The following SLCO4C1 variants were observed in gnomAD, a reference collection of about 807,000 sequenced individuals.
SLCO4C1 encodes solute carrier organic anion transporter family member 4C1.
Under a neutral mutation model 72.1 loss-of-function variants are expected in SLCO4C1, and 58 were observed. The ratio of observed to expected loss-of-function variants is 0.80; its 90% confidence interval spans 0.65 to 1.00. SLCO4C1 has a LOEUF of 1.00. Among genes scored for constraint, SLCO4C1 ranks in the 50% least tolerant of loss-of-function variants. SLCO4C1 has a pLI of 0.00. For synonymous variants in SLCO4C1, 297 were observed against 312.5 expected (o/e 0.95, Z 0.52); for missense variants, 898 against 857.9 (o/e 1.05, Z -0.58).
chr5:102,291,878 A>G (rs1376791500), intron 1 of SLCO4C1, among the ~76,000 whole-genome samples: 7 of 152,046 alleles, frequency 4.6e-5, no homozygotes, highest in Non-Finnish European at 5.9e-5. Flanking sequence ...CTGGACTGCA[A>G]TGGCGCGATC....
chr5:102,270,529 A>C (rs1749130407), intron 3 of SLCO4C1, 95 bp downstream of exon 3: 1 of 1,083,346 alleles, frequency 9.2e-7, no homozygotes. Context: ...TGGCATTACA[A>C]CTAACTTTTT....
At chr5:102,287,113 T>C (rs540384050) in intron 2 of SLCO4C1, among the ~76,000 whole-genome samples, 159 of 152,288 alleles carry the variant, frequency 1.0e-3, no homozygotes, top group Middle Eastern at 6.8e-3. Context: ...CTCTATGTTA[T>C]GTTAAGTTAC....
chr5:102,287,180 ATC>A (rs1749468598), intron 2 of SLCO4C1, among the ~76,000 whole-genome samples: 1 of 152,064 alleles, frequency 6.6e-6, no homozygotes, highest in South Asian at 2.1e-4. Context: ...CTTTCAACTA[ATC>A]TGTTTTCTTT....
intron 6 of SLCO4C1, among the ~76,000 whole-genome samples, chr5:102,259,022 C>A (rs1018051154): frequency 1.3e-5 from 2 of 151,840 alleles, no homozygotes; most frequent in Admixed American, 6.6e-5. Context: ...AAAAAACTTA[C>A]CAACATAAAG....
intron 3 of SLCO4C1, among the ~76,000 whole-genome samples, chr5:102,268,140 C>T (rs1749077769): frequency 6.6e-6 from 1 of 152,006 alleles, no homozygotes; most frequent in Non-Finnish European, 1.5e-5. Context: ...CAATATTATT[C>T]ACTGATTTTC....
At chr5:102,240,857 TAA>T (rs1748527415) in intron 10 of SLCO4C1, 75 bp from the exon 11 acceptor site, 3 of 1,068,044 alleles carry the variant, frequency 2.8e-6, no homozygotes, top group Non-Finnish European at 4.2e-6. Context: ...TTCACATTTA[TAA>T]GAGTTTAGCA....
chr5:102,266,775 G>A (rs903429473), intron 3 of SLCO4C1, among the ~76,000 whole-genome samples: 6 of 151,918 alleles, frequency 3.9e-5, no homozygotes, highest in Non-Finnish European at 7.4e-5. Context: ...TTCCATATAC[G>A]GCCTTTACTG....
chr5:102,239,832 T>TA (rs1436506286), intron 11 of SLCO4C1, among the ~76,000 whole-genome samples: 1 of 152,100 alleles, frequency 6.6e-6, no homozygotes, highest in Non-Finnish European at 1.5e-5. Flanking sequence ...CCTCTGTATG[T>TA]ATTAGTGTAT....
intron 10 of SLCO4C1, among the ~76,000 whole-genome samples, chr5:102,242,405 A>G (rs1051477108): frequency 6.6e-6 from 1 of 152,174 alleles, no homozygotes; most frequent in East Asian, 1.9e-4. Flanking sequence ...ACTAATCCCC[A>G]GGCTGCACAG....
At chr5:102,272,773 T>C (rs1201430963) in intron 2 of SLCO4C1, among the ~76,000 whole-genome samples, 2 of 63,866 alleles carry the variant, frequency 3.1e-5, no homozygotes, top group Non-Finnish European at 6.4e-5. Context: ...ATTGCCAACA[T>C]GGTAAAACCC....
rs1338393288 is a variant in SLCO4C1, at chr5:102,235,421, TTA to T, written c.*1435_*1436del. 2.0e-5 allele frequency: 3 copies of T among 152,194 alleles called. No individual in the cohort carries two copies. Among genetic ancestry groups the T allele is most frequent in the East Asian group, 1.9e-4 (1 of 5,200 alleles). The allele number at this position is 152,194 out of a possible 1,614,324, so 9.4% of individuals were successfully genotyped here. On this transcript the variant is annotated 3_prime_UTR_variant, in exon 13 of 13. Transcript: ENST00000310954. Reference sequence around the variant, plus strand: ...GTAAAATTCTTAACCATGGTAGAAGTTATGTTTGTTGATGTTCACTCATCTAT... The same window carrying T: ...GTAAAATTCTTAACCATGGTAGAAGTTGTTTGTTGATGTTCACTCATCTAT...
chr5:102,239,626 T>G (rs913020654), intron 11 of SLCO4C1, among the ~76,000 whole-genome samples: 1 of 152,002 alleles, frequency 6.6e-6, no homozygotes, highest in Non-Finnish European at 1.5e-5. Flanking sequence ...AATAGAAATA[T>G]CCAATATATA....
intron 10 of SLCO4C1, among the ~76,000 whole-genome samples, chr5:102,241,570 T>C (rs1221362599): frequency 1.3e-5 from 2 of 151,938 alleles, no homozygotes; most frequent in African/African-American, 2.4e-5. Flanking sequence ...CTGAAAGCTA[T>C]AAAACACTGA....
At chr5:102,254,312 G>A (rs1748794580) in intron 8 of SLCO4C1, among the ~76,000 whole-genome samples, 1 of 152,132 alleles carries the variant, frequency 6.6e-6, no homozygotes, top group African/African-American at 2.4e-5. Flanking sequence ...GATAGTGATA[G>A]TATTCAGTAA....
chr5:102,267,702 T>C (rs1749068915), intron 3 of SLCO4C1, among the ~76,000 whole-genome samples: 1 of 151,790 alleles, frequency 6.6e-6, no homozygotes, highest in Non-Finnish European at 1.5e-5. Context: ...AGGTACATCA[T>C]TAGGTGGTTT....
At chr5:102,290,569 A>G (rs1196221290) in intron 2 of SLCO4C1, among the ~76,000 whole-genome samples, 1 of 152,216 alleles carries the variant, frequency 6.6e-6, no homozygotes, top group Non-Finnish European at 1.5e-5. Flanking sequence ...CCTATAGCAT[A>G]ACAGACTCCA....
At chr5:102,266,914 T>C (rs1749051790) in intron 3 of SLCO4C1, among the ~76,000 whole-genome samples, 1 of 152,240 alleles carries the variant, frequency 6.6e-6, no homozygotes, top group Non-Finnish European at 1.5e-5. Context: ...ATTCTGTTTA[T>C]GTGATGTATC....
chr5:102,265,817 T>C (rs566590469), intron 3 of SLCO4C1, among the ~76,000 whole-genome samples: 1 of 152,290 alleles, frequency 6.6e-6, no homozygotes, highest in South Asian at 2.1e-4. Flanking sequence ...CCGTATGAAT[T>C]TTAGGACTGT....
chr5:102,263,844 G>A, intron 3 of SLCO4C1, 64 bp from the exon 4 acceptor site: 1 of 1,225,114 alleles, frequency 8.2e-7, no homozygotes, highest in East Asian at 2.4e-5. Context: ...ATATCTAACA[G>A]TGAAAACAAA....
Sources: allele counts gnomAD v4.1 joint callset (sites outside exome capture counted in the v4.1 genomes callset), GRCh38; gene constraint gnomAD v4.1.1; transcripts MANE v1.5; gene names NCBI Gene and HGNC (gene_info 2026-07-23, HGNC 2026-07-21).